The following RAB33B variants were observed in gnomAD, a reference collection of about 807,000 sequenced individuals.
RAB33B encodes the protein ras-related protein Rab-33B.
Under a neutral mutation model 15.0 loss-of-function variants are expected in RAB33B, and 6 were observed. The observed-to-expected ratio is 0.40, with a 90% CI of 0.22 to 0.79. The LOEUF (loss-of-function observed/expected upper bound fraction) is 0.79. Ranked by LOEUF, RAB33B falls within the 30% of genes least tolerant of loss-of-function variation. RAB33B has a pLI of 0.37. For synonymous variants in RAB33B, 117 were observed against 108.3 expected (o/e 1.08, Z -0.50); for missense variants, 257 against 296.4 (o/e 0.87, Z 0.98).
upstream of RAB33B, chr4:139,449,989 A>T (rs1483443848): frequency 6.6e-6 from 1 of 152,190 alleles, no homozygotes. Flanking sequence ...CTTGAAGTCC[A>T]GGCCAAGCAC....
At chr4:139,467,373 C>CTT (rs760811130) in intron 1 of RAB33B, among the ~76,000 whole-genome samples, 959 of 36,408 alleles carry the variant, frequency 0.026, 43 homozygotes, top group African/African-American at 0.053. Flanking sequence ...TCAGACTGGT[C>CTT]TTTTTTTTTT....
At chr4:139,471,831 A>G (rs1315862826) in intron 1 of RAB33B, among the ~76,000 whole-genome samples, 3 of 152,212 alleles carry the variant, frequency 2.0e-5, no homozygotes, top group African/African-American at 7.2e-5. Context: ...AAGGTTACGA[A>G]GAGTTAAAGT....
rs751716862 is a variant in RAB33B, at chr4:139,472,803, C to T, written c.367C>T (p.His123Tyr). ...VYDMTNMASF[H>Y]SLPSWIEECK... is the part of the protein sequence containing the mutation. ...TGATATGACCAACATGGCTAGTTTTCATAGCCTACCATCTTGGATAGAAGA... is the reference window on the plus strand; with the variant it reads ...TGATATGACCAACATGGCTAGTTTTTATAGCCTACCATCTTGGATAGAAGA... The change falls in exon 2 of 2, where the codon CAT becomes TAT. Residue 123 changes from histidine to tyrosine, a missense_variant. His to Tyr is a moderately conservative substitution (Grantham distance 83, BLOSUM62 2). Coordinates refer to ENST00000305626, the MANE Select transcript of RAB33B (RefSeq NM_031296.3). The T allele has an allele frequency of 6.2e-7, 1 of 1,614,098 alleles. No homozygotes were observed. The highest frequency in any genetic ancestry group is 1.1e-5 in the South Asian group (1 of 91,082).
chr4:139,446,693 T>A, the RAB33B span, among the ~76,000 whole-genome samples: 1 of 151,852 alleles, frequency 6.6e-6, no homozygotes, highest in Admixed American at 6.5e-5. Flanking sequence ...CTGTGCATAC[T>A]CAGCCTCTTT....
chr4:139,473,224 C>A lies in RAB33B; in HGVS notation c.*98C>A. 1.9e-6 allele frequency: 2 copies of A among 1,029,184 alleles called. No homozygotes were observed. Among genetic ancestry groups the A allele is most frequent in the South Asian group, 3.8e-5 (2 of 53,180 alleles). The allele number at this position is 1,029,184 out of a possible 1,614,324, so 63.8% of individuals were successfully genotyped here. On this transcript the variant is annotated 3_prime_UTR_variant, in exon 2 of 2. Coordinates refer to ENST00000305626, the MANE Select transcript of RAB33B (RefSeq NM_031296.3). ...AGATTTAATCTCAACTATAATGGGT[C>A]ATCTTGACACTTTGCTGTTTGTCAT... is the stretch of plus-strand genomic sequence containing the variant.
At chr4:139,459,342 A>G (rs1750125942) in intron 1 of RAB33B, among the ~76,000 whole-genome samples, 1 of 152,076 alleles carries the variant, frequency 6.6e-6, no homozygotes, top group Non-Finnish European at 1.5e-5. Context: ...GAGGTAAGGC[A>G]GGAGGATTGC....
At chr4:139,470,302 G>A (rs1750364792) in intron 1 of RAB33B, among the ~76,000 whole-genome samples, 1 of 152,092 alleles carries the variant, frequency 6.6e-6, no homozygotes, top group African/African-American at 2.4e-5. Flanking sequence ...CATTTCCAAA[G>A]ACAGAGGAGC....
intron 1 of RAB33B, among the ~76,000 whole-genome samples, chr4:139,462,764 A>T (rs1422184906): frequency 6.6e-6 from 1 of 152,178 alleles, no homozygotes; most frequent in Non-Finnish European, 1.5e-5. Context: ...CTGCCATTTC[A>T]TGTATTGGTC....
chr4:139,443,151 C>T, the RAB33B span, among the ~76,000 whole-genome samples: 4 of 152,092 alleles, frequency 2.6e-5, no homozygotes, highest in Non-Finnish European at 5.9e-5. Flanking sequence ...CACCACCATG[C>T]CCGGCTAATT....
At chr4:139,463,634 ACAT>A (rs755657389) in intron 1 of RAB33B, among the ~76,000 whole-genome samples, 3 of 152,182 alleles carry the variant, frequency 2.0e-5, no homozygotes, top group Non-Finnish European at 4.4e-5. Flanking sequence ...TCTTTTTTAA[ACAT>A]CATGAACCAT....
At chr4:139,444,889 C>A in the RAB33B span, among the ~76,000 whole-genome samples, 2 of 152,312 alleles carry the variant, frequency 1.3e-5, no homozygotes, top group East Asian at 3.9e-4. Context: ...AGAGCTGCCT[C>A]TACCTAGAAA....
the RAB33B span, among the ~76,000 whole-genome samples, chr4:139,440,812 T>C: frequency 2.0e-5 from 3 of 152,186 alleles, no homozygotes; most frequent in South Asian, 6.2e-4. Flanking sequence ...GATTTTGCCA[T>C]GTTGGCCATG....
intron 1 of RAB33B, among the ~76,000 whole-genome samples, chr4:139,465,613 G>T (rs1185955772): frequency 6.6e-6 from 1 of 152,116 alleles, no homozygotes. Context: ...CATATGGCTG[G>T]CCAGTTTTCC....
At chr4:139,470,503 C>T (rs114793618) in intron 1 of RAB33B, among the ~76,000 whole-genome samples, 215 of 152,320 alleles carry the variant, frequency 1.4e-3, no homozygotes, top group African/African-American at 5.0e-3. Flanking sequence ...AGAGTCAAGT[C>T]CTGAAATCTG....
intron 1 of RAB33B, among the ~76,000 whole-genome samples, chr4:139,470,047 C>G (rs1750360924): frequency 6.6e-6 from 1 of 152,198 alleles, no homozygotes; most frequent in South Asian, 2.1e-4. Context: ...GTAACTACTC[C>G]CTGGCTACCG....
intron 1 of RAB33B, among the ~76,000 whole-genome samples, chr4:139,458,220 A>G (rs894913741): frequency 6.6e-6 from 1 of 151,988 alleles, no homozygotes; most frequent in African/African-American, 2.4e-5. Flanking sequence ...TGGAGGTTCA[A>G]GGGTACAGAG....
At chr4:139,438,946 TTTTG>T in the RAB33B span, among the ~76,000 whole-genome samples, 1 of 152,176 alleles carries the variant, frequency 6.6e-6, no homozygotes, top group Non-Finnish European at 1.5e-5. Context: ...CTCCCTCAAC[TTTTG>T]TTTATCTGGA....
intron 1 of RAB33B, among the ~76,000 whole-genome samples, chr4:139,458,055 CA>C (rs1304172774): frequency 6.6e-6 from 1 of 152,122 alleles, no homozygotes; most frequent in African/African-American, 2.4e-5. Context: ...ACATTGTTGC[CA>C]AAATGCCCGA....
upstream of RAB33B, chr4:139,450,719 T>C (rs1411818606): frequency 2.0e-5 from 3 of 152,246 alleles, no homozygotes; most frequent in African/African-American, 7.2e-5. Flanking sequence ...AAGGGAATTC[T>C]TTGTCCTCTG....
Sources: gnomAD v4.1 joint callset for allele counts (sites outside exome capture counted in the v4.1 genomes callset) on GRCh38, gnomAD v4.1.1 for gene constraint, MANE v1.5 for transcripts, NCBI Gene and HGNC (gene_info 2026-07-23, HGNC 2026-07-21) for gene names.